The following RORA variants were observed in gnomAD, a reference collection of about 807,000 sequenced individuals.
RORA encodes the protein RAR related orphan receptor A.
Under a neutral mutation model 69.5 loss-of-function variants are expected in RORA, and 7 were observed. The observed-to-expected ratio is 0.10, with a 90% CI of 0.06 to 0.19. The LOEUF (loss-of-function observed/expected upper bound fraction) is 0.19. Ranked by LOEUF, RORA falls within the 10% of genes least tolerant of loss-of-function variation. The probability of loss-of-function intolerance (pLI) is 1.00; values close to 1 mark genes in which losing one functional copy is unlikely to be tolerated. For synonymous variants in RORA, 261 were observed against 240.8 expected, an observed-to-expected ratio of 1.08 and a Z score of -0.78; for missense variants, 457 against 663.0, an observed-to-expected ratio of 0.69 and a Z score of 3.41.
intron 3 of RORA, among the ~76,000 whole-genome samples, chr15:60,523,883 C>T (rs1273957035): frequency 6.6e-6 from 1 of 152,122 alleles, no homozygotes; most frequent in Admixed American, 6.6e-5. Flanking sequence ...CTTTGTTGCC[C>T]AGACTGGTCT....
chr15:61,018,420 A>T (rs558734726), intron 1 of RORA, among the ~76,000 whole-genome samples: 1 of 152,188 alleles, frequency 6.6e-6, no homozygotes, highest in African/African-American at 2.4e-5. Context: ...ATGCAGAAAC[A>T]ATCAGAAAAG....
intron 2 of RORA, among the ~76,000 whole-genome samples, chr15:60,540,573 C>CA (rs1405730489): frequency 1.3e-5 from 1 of 75,044 alleles, no homozygotes; most frequent in Non-Finnish European, 3.4e-5. Flanking sequence ...GACCCCCCCC[C>CA]CCCAAAACTG....
intron 2 of RORA, among the ~76,000 whole-genome samples, chr15:60,634,331 G>A (rs548680853): frequency 4.6e-5 from 7 of 151,868 alleles, no homozygotes; most frequent in Non-Finnish European, 8.8e-5. Context: ...CTCTCTCAGT[G>A]ACCTGAGACA....
At chr15:61,109,838 G>A (rs1310351367) in intron 1 of RORA, among the ~76,000 whole-genome samples, 2 of 152,140 alleles carry the variant, frequency 1.3e-5, no homozygotes, top group Non-Finnish European at 2.9e-5. Context: ...GTATCTGAGA[G>A]CTTGATCCAC....
At chr15:60,653,293 G>A (rs1375639124) in intron 2 of RORA, among the ~76,000 whole-genome samples, 2 of 130,930 alleles carry the variant, frequency 1.5e-5, no homozygotes, top group African/African-American at 3.0e-5. Flanking sequence ...GTGTACAGGT[G>A]CATGCGTGTG....
At chr15:61,086,833 T>C (rs1464826368) in intron 1 of RORA, among the ~76,000 whole-genome samples, 1 of 152,164 alleles carries the variant, frequency 6.6e-6, no homozygotes, top group African/African-American at 2.4e-5. Context: ...TTACGTATTA[T>C]CTATGGCACT....
At chr15:60,500,581 T>C (rs529302964) in intron 9 of RORA, among the ~76,000 whole-genome samples, 14 of 152,042 alleles carry the variant, frequency 9.2e-5, no homozygotes, top group African/African-American at 3.4e-4. Flanking sequence ...GGATGACATC[T>C]AAATGGATTT....
chr15:60,869,830 C>A lies in RORA; in HGVS notation c.167-191144G>T, dbSNP rs140215778. ...GGCCCTGACACGTTTTGCCATCCTC[C>A]TCTTGTTCCCTCTGGCTTGGTAGTG... On this transcript the variant is annotated intron_variant, in intron 1 of 10. Coordinates refer to ENST00000335670, the MANE Select transcript of RORA (RefSeq NM_134261.3). 2.0e-5 allele frequency among the ~76,000 whole-genome samples: 3 copies of A among 152,296 alleles called. No homozygotes were observed. In the East Asian group the frequency reaches 5.8e-4, roughly 29 times the overall value.
At chr15:60,676,543 A>G (rs968674287) in intron 2 of RORA, among the ~76,000 whole-genome samples, 1 of 152,234 alleles carries the variant, frequency 6.6e-6, no homozygotes, top group East Asian at 1.9e-4. Flanking sequence ...ATATAAAAGG[A>G]GCTTTAAGTC....
rs2067421174 is a variant in RORA at position 60,558,129 on chromosome 15, G to A, written c.197-26278C>T. On this transcript the variant is annotated intron_variant, in intron 2 of 10. Coordinates refer to ENST00000335670, the MANE Select transcript of RORA (RefSeq NM_134261.3). ...ATTTTTGTCTAGAAGTATGCCCAGT[G>A]CCACACCGGGGGAAAGGGAGGCAAA... 6 of 826,692 alleles carry A rather than the reference G, an allele frequency of 7.3e-6. No individual in the cohort carries two copies. The South Asian group carries it at 8.4e-5, about 12-fold the overall frequency. The allele number at this position is 826,692 out of a possible 1,614,324, so 51.2% of individuals were successfully genotyped here.
intron 1 of RORA, among the ~76,000 whole-genome samples, chr15:60,976,228 G>A (rs781511059): frequency 1.3e-5 from 2 of 152,180 alleles, no homozygotes; most frequent in Non-Finnish European, 2.9e-5. Context: ...ACCTACCTAA[G>A]CCTGTGGTGG....
intron 1 of RORA, among the ~76,000 whole-genome samples, chr15:60,699,797 T>C (rs1268100290): frequency 6.6e-6 from 1 of 152,160 alleles, no homozygotes; most frequent in Non-Finnish European, 1.5e-5. Context: ...TAACTACTTA[T>C]GATATTTTAA....
intron 1 of RORA, among the ~76,000 whole-genome samples, chr15:61,079,135 G>GA (rs1202833169): frequency 1.4e-5 from 2 of 145,764 alleles, no homozygotes; most frequent in Admixed American, 6.8e-5. Flanking sequence ...TTTCCCAAAA[G>GA]AAAAAAAAAA....
chr15:60,575,147 C>G (rs1185900952), intron 2 of RORA, among the ~76,000 whole-genome samples: 1 of 151,930 alleles, frequency 6.6e-6, no homozygotes, highest in African/African-American at 2.4e-5. Context: ...AACCTAGGGC[C>G]AGAACCTTCA....
At chr15:61,036,015 T>C (rs1896441571) in intron 1 of RORA, among the ~76,000 whole-genome samples, 1 of 152,154 alleles carries the variant, frequency 6.6e-6, no homozygotes, top group Non-Finnish European at 1.5e-5. Context: ...TAAGAACAGA[T>C]GAGCTTTCAA....
At chr15:60,873,295 G>A (rs1375481975) in intron 1 of RORA, among the ~76,000 whole-genome samples, 1 of 144,984 alleles carries the variant, frequency 6.9e-6, no homozygotes, top group Non-Finnish European at 1.5e-5. Context: ...GTGTGTCTGT[G>A]TGTATGTGTG....
chr15:60,588,219 A>C (rs980566049), intron 2 of RORA, among the ~76,000 whole-genome samples: 1 of 152,108 alleles, frequency 6.6e-6, no homozygotes, highest in African/African-American at 2.4e-5. Context: ...GTAGCTGCTG[A>C]CTCTGAGTGT....
At chr15:60,600,977 A>G (rs2068795800) in intron 2 of RORA, 1 of 152,226 alleles carries the variant, frequency 6.6e-6, no homozygotes, top group Non-Finnish European at 1.5e-5. Context: ...ACAGATGAGG[A>G]AACTGGGGCA....
chr15:60,502,968 T>G (rs1333947337), intron 7 of RORA, 101 bp from the exon 8 acceptor site: 4 of 821,314 alleles, frequency 4.9e-6, no homozygotes, highest in Non-Finnish European at 8.7e-6. Flanking sequence ...AACAGCATGG[T>G]GGGTGTCGTG....
Sources: gnomAD v4.1 joint callset for allele counts (sites outside exome capture counted in the v4.1 genomes callset) on GRCh38, gnomAD v4.1.1 for gene constraint, MANE v1.5 for transcripts, NCBI Gene and HGNC (gene_info 2026-07-23, HGNC 2026-07-21) for gene names.